NAP1L4: variants seen among roughly 807,000 people sequenced by gnomAD.
NAP1L4 encodes nucleosome assembly protein 1-like 4.
A neutral mutation model predicts 58.2 loss-of-function variants in NAP1L4; 15 were observed. The ratio of observed to expected loss-of-function variants is 0.26; its 90% CI spans 0.17 to 0.40. NAP1L4 has a LOEUF of 0.40. Among genes scored for constraint, NAP1L4 ranks in the 10% least tolerant of loss-of-function variants. The pLI is 1.00. For missense variants in NAP1L4, 384 were observed against 451.1 expected, an observed-to-expected ratio of 0.85 and a Z score of 1.35; for synonymous variants, 171 against 155.6, an observed-to-expected ratio of 1.10 and a Z score of -0.74.
At position 2,975,106 on chromosome 11, in the gene NAP1L4, G is replaced by A. The variant is rs115009967; in HGVS notation, c.173+918C>T. 6.9e-3 allele frequency among the ~76,000 whole-genome samples: 1,043 copies of A among 150,390 alleles called. 10 individuals are homozygous for A. The highest frequency in any genetic ancestry group is 0.024 in the African/African-American group (980 of 40,848). On this transcript the variant is annotated intron_variant, in intron 4 of 15. Transcript: ENST00000380542. The stretch of plus-strand genomic sequence containing the variant: ...AAGGTGGGGCCTCCTGGGAGACCAA[G>A]CCCTGACCCAATTATAGATGGAAGC...
Position 2,969,887 on chromosome 11 carries a change from C to G in NAP1L4, c.450G>C (p.Thr150=), listed in dbSNP as rs766744653. 9 of 1,613,780 alleles carry G rather than the reference C, an allele frequency of 5.6e-6. No homozygotes were observed. Among genetic ancestry groups the G allele is most frequent in the Middle Eastern group, 1.7e-4 (1 of 6,060 alleles). Residue 150 remains threonine, a synonymous_variant, in exon 7 of 16, where the codon ACG becomes ACC. Coordinates refer to ENST00000380542, the MANE Select transcript of NAP1L4 (RefSeq NM_005969.4). ...KVVVTEKAAA[T]AEEPDPKGIP... ...TTCCTTTGGGATCTGGCTCTTCAGC[C>G]GTTGCCGCTGCTTTTTCTGTGACGA... is the stretch of plus-strand genomic sequence containing the variant.
rs759764757 is a variant in NAP1L4 at position 2,971,637 on chromosome 11, A to G, written c.316-103T>C. On this transcript the variant is annotated intron_variant, in intron 5 of 15. Coordinates refer to ENST00000380542, the MANE Select transcript of NAP1L4 (RefSeq NM_005969.4). This position sits in a 1 kb window ranked among gnomAD's most constrained non-coding sequence, Gnocchi z 4.2. ...TCTACTAAAAGACTTTGAAAACTGG[A>G]TATTTTTATAACTTATTTTAAGATT... is the stretch of plus-strand genomic sequence containing the variant. 4 of 860,062 alleles carry G rather than the reference A, an allele frequency of 4.7e-6. No individual in the cohort carries two copies. The highest frequency in any genetic ancestry group is 7.0e-6 in the Non-Finnish European group (4 of 570,398). The allele number at this position is 860,062 out of a possible 1,614,324, so 53.3% of individuals were successfully genotyped here. A position where few individuals can be genotyped will look rare whatever the true frequency, so the allele number is the denominator to read the frequency against.
intron 7 of NAP1L4, among the ~76,000 whole-genome samples, chr11:2,967,923 C>T (rs1364797643): frequency 6.6e-6 from 1 of 152,152 alleles, no homozygotes; most frequent in Non-Finnish European, 1.5e-5. Context: ...CTATCCATGG[C>T]CAGTGACCCC....
At position 2,946,484 on chromosome 11, in the gene NAP1L4, T is replaced by G. The variant is rs1464124576; in HGVS notation, c.*33-838A>C. Among the ~76,000 whole-genome samples, 1 of 152,244 alleles carries G rather than the reference T, an allele frequency of 6.6e-6. No homozygotes were observed. Among genetic ancestry groups the G allele is most frequent in the Non-Finnish European group, 1.5e-5 (1 of 68,040 alleles). On this transcript the variant is annotated intron_variant, in intron 15 of 15. Coordinates refer to ENST00000380542, the MANE Select transcript of NAP1L4 (RefSeq NM_005969.4). The surrounding 1 kb of genome is among the most constrained non-coding windows in gnomAD (Gnocchi z 4.8). ...TTGCTAATGCTTCTGCGCTAGTAAC[T>G]TTACGAACCTGTAACCTATGATTTC... is the stretch of plus-strand genomic sequence containing the variant.
At chr11:2,945,738 G>A (rs1450291749) in intron 15 of NAP1L4, 92 bp from the exon 16 acceptor site, 1 of 1,031,748 alleles carries the variant, frequency 9.7e-7, no homozygotes, top group Non-Finnish European at 1.4e-6. Context: ...GACTGAATGA[G>A]TTCATTCTCA....
At chr11:2,979,363 G>A in intron 1 of NAP1L4, 126 bp from the exon 2 acceptor site, 1 of 719,472 alleles carries the variant, frequency 1.4e-6, no homozygotes, top group Non-Finnish European at 2.3e-6. Flanking sequence ...ACTTTCTAGA[G>A]TGATGAAAAT....
At chr11:2,975,945 G>T in intron 4 of NAP1L4, 79 bp downstream of exon 4, 1 of 1,226,832 alleles carries the variant, frequency 8.2e-7, no homozygotes, top group Admixed American at 2.1e-5. Flanking sequence ...TCCTGTTCTG[G>T]GGAACTGAAA....
chr11:2,952,510 A>G (rs3213614), intron 12 of NAP1L4: 128,175 of 152,446 alleles, frequency 0.84, 54,319 homozygotes, highest in African/African-American at 0.94. Context: ...AACATTTCCC[A>G]TTTTGTTGAG....
Position 2,976,128 on chromosome 11 carries a change from G to T in NAP1L4, c.74-5C>A. 1 of 1,610,138 alleles carries T rather than the reference G, an allele frequency of 6.2e-7. No homozygotes were observed. The highest frequency in any genetic ancestry group is 8.5e-7 in the Non-Finnish European group (1 of 1,178,160). Reference sequence around the variant, plus strand: ...TCACCTGATCTGTGAGCTTTTCTATGAAGAGTTAAGACCAAACATATTTAA... The same window carrying T: ...TCACCTGATCTGTGAGCTTTTCTATTAAGAGTTAAGACCAAACATATTTAA... On this transcript the variant is annotated splice_region_variant and splice_polypyrimidine_tract_variant and intron_variant, in intron 3 of 15. Coordinates refer to ENST00000380542, the MANE Select transcript of NAP1L4 (RefSeq NM_005969.4).
chr11:2,945,630 G>T lies in NAP1L4; in HGVS notation c.*49C>A. 2.0e-6 allele frequency: 3 copies of T among 1,535,968 alleles called. No individual in the cohort carries two copies. The highest frequency in any genetic ancestry group is 2.6e-6 in the Non-Finnish European group (3 of 1,146,848). On this transcript the variant is annotated 3_prime_UTR_variant, in exon 16 of 16. Coordinates refer to ENST00000380542, the MANE Select transcript of NAP1L4 (RefSeq NM_005969.4). ...TTCCTACTGCTGCTTGCATTCCGCCGGCTGGCTGGGTTCCTTCTGTCAATG... is the reference window on the plus strand; with the variant it reads ...TTCCTACTGCTGCTTGCATTCCGCCTGCTGGCTGGGTTCCTTCTGTCAATG...
rs547843332 is a variant in NAP1L4, at chr11:2,972,729, T to G, written c.174-486A>C. Among the ~76,000 whole-genome samples, 93 of 152,332 alleles carry G rather than the reference T, an allele frequency of 6.1e-4. 1 individual carries two copies. The South Asian group carries it at 0.018, about 29-fold the overall frequency. On this transcript the variant is annotated intron_variant, in intron 4 of 15. Coordinates refer to ENST00000380542, the MANE Select transcript of NAP1L4 (RefSeq NM_005969.4). Reference sequence around the variant, plus strand: ...GCTCATGCCTGTAATCCCACCACTCTGGGAGGCCAAGGTAGGATTGCTTGA... The same window carrying G: ...GCTCATGCCTGTAATCCCACCACTCGGGGAGGCCAAGGTAGGATTGCTTGA...
intron 1 of NAP1L4, 109 bp downstream of exon 1, chr11:2,992,145 G>C (rs1210660577): frequency 6.6e-6 from 1 of 151,334 alleles, no homozygotes; most frequent in Non-Finnish European, 1.5e-5. Flanking sequence ...GAGGCTTCCA[G>C]AGATGGCCGC....
chr11:2,984,063 A>G (rs1848480134), intron 1 of NAP1L4, among the ~76,000 whole-genome samples: 2 of 151,144 alleles, frequency 1.3e-5, no homozygotes, highest in Non-Finnish European at 2.9e-5. Context: ...AGTGGCTGAG[A>G]CAGAAGCAAC....
chr11:2,989,236 T>A (rs1376610003), intron 1 of NAP1L4: 1 of 152,206 alleles, frequency 6.6e-6, no homozygotes, highest in Admixed American at 6.5e-5. Flanking sequence ...CGAAGTAATA[T>A]CAGATTTCTA....
At chr11:2,975,501 C>T (rs536711232) in intron 4 of NAP1L4, among the ~76,000 whole-genome samples, 5 of 152,044 alleles carry the variant, frequency 3.3e-5, no homozygotes, top group South Asian at 2.1e-4. Flanking sequence ...GAGGCTGAGG[C>T]GGGAGAACCA....
intron 4 of NAP1L4, among the ~76,000 whole-genome samples, chr11:2,975,305 A>G (rs189860520): frequency 6.6e-6 from 1 of 152,218 alleles, no homozygotes; most frequent in East Asian, 1.9e-4. Context: ...CAACAGTGAG[A>G]CTCCAACTCA....
intron 6 of NAP1L4, 140 bp from the exon 7 acceptor site, chr11:2,970,074 C>G (rs1232617933): frequency 5.2e-6 from 4 of 763,974 alleles, no homozygotes; most frequent in East Asian, 5.9e-5. Flanking sequence ...CCAAACCACT[C>G]ACTGGGCCAC....
At chr11:2,947,298 T>C (rs1051498077) in intron 15 of NAP1L4, among the ~76,000 whole-genome samples, 4 of 152,252 alleles carry the variant, frequency 2.6e-5, no homozygotes, top group African/African-American at 2.4e-5. Flanking sequence ...AGTATTCATC[T>C]GTCCTAAATA....
In NAP1L4 at chr11:2,978,329, C is replaced by A; in HGVS notation, c.28G>T (p.Val10Phe). Residue 10 changes from valine (V) to phenylalanine (F), a missense_variant, in exon 3 of 16, where the codon GTT becomes TTT. Coordinates refer to ENST00000380542, the MANE Select transcript of NAP1L4 (RefSeq NM_005969.4). ...GCAGCTTCCACGGAATCTGAAGGAACCCCATCTGAAAAACTAAAACAACAG... is the reference window on the plus strand; with the variant it reads ...GCAGCTTCCACGGAATCTGAAGGAAACCCATCTGAAAAACTAAAACAACAG... MADHSFSDGVPSDSVEAAKN... is the reference protein window; with the variant it reads MADHSFSDGFPSDSVEAAKN... 2 of 1,613,876 alleles carry A rather than the reference C, an allele frequency of 1.2e-6. No homozygotes were observed. The highest frequency in any genetic ancestry group is 1.7e-6 in the Non-Finnish European group (2 of 1,179,878).
Sources: gnomAD v4.1 joint callset for allele counts (sites outside exome capture counted in the v4.1 genomes callset) on GRCh38, gnomAD v4.1.1 for gene constraint, Gnocchi (gnomAD v3.1) non-coding constraint, MANE v1.5 for transcripts, NCBI Gene and HGNC (gene_info 2026-07-23, HGNC 2026-07-21) for gene names.